Variants in HTR2C observed in about 807,000 individuals in gnomAD.
HTR2C encodes the protein 5-hydroxytryptamine (serotonin) receptor 2C, G protein-coupled.
Under a neutral mutation model 21.0 loss-of-function variants are expected in HTR2C, and 5 were observed. That is an observed-to-expected ratio of 0.24 (90% CI 0.12 to 0.50). HTR2C has a LOEUF of 0.50. HTR2C is among the 20% of genes least tolerant of loss of function. HTR2C has a pLI of 0.98. For missense variants in HTR2C, 271 were observed against 371.2 expected, an observed-to-expected ratio of 0.73 and a Z score of 2.22; for synonymous variants, 150 against 145.3, an observed-to-expected ratio of 1.03 and a Z score of -0.23.
At chrX:114,621,225 C>G (rs1392020371) in intron 2 of HTR2C, among the ~76,000 whole-genome samples, 1 of 111,582 alleles carries the variant, frequency 9.0e-6, no homozygotes, top group African/African-American at 3.3e-5. Flanking sequence ...CCATGGACTA[C>G]ACTTGGAGTC....
At chrX:114,889,323 A>T (rs781898043) in intron 5 of HTR2C, among the ~76,000 whole-genome samples, 1 of 111,854 alleles carries the variant, frequency 8.9e-6, no homozygotes, top group South Asian at 3.7e-4. Flanking sequence ...CTGTTGGGAC[A>T]CATCTTCAAC....
intron 1 of HTR2C, among the ~76,000 whole-genome samples, chrX:114,603,320 A>T (rs151192502): frequency 0.034 from 3,670 of 107,339 alleles, 170 homozygotes; most frequent in African/African-American, 0.12. Flanking sequence ...CTGTAGAGAG[A>T]GATTTGACAT....
chrX:114,644,354 AATAAATAAATATATATATATATAT>A (rs1930257219), intron 2 of HTR2C, among the ~76,000 whole-genome samples: 1 of 18,652 alleles, frequency 5.4e-5, no homozygotes, highest in Admixed American at 8.0e-4. Context: ...AAAATAAATA[AATAAATAAATATATATATATATAT>A]ATATATATAT....
At chrX:114,666,698 T>C (rs1474143210) in intron 2 of HTR2C, among the ~76,000 whole-genome samples, 1 of 111,250 alleles carries the variant, frequency 9.0e-6, no homozygotes, top group East Asian at 2.8e-4. Flanking sequence ...TCTTCCCTAA[T>C]TCATACATAT....
intron 2 of HTR2C, among the ~76,000 whole-genome samples, chrX:114,684,884 T>C (rs1485548503): frequency 9.0e-6 from 1 of 111,717 alleles, no homozygotes; most frequent in African/African-American, 3.2e-5. Flanking sequence ...ATAGCTGTTT[T>C]TATCAAAAAT....
At chrX:114,798,432 G>T (rs1157114453) in intron 4 of HTR2C, among the ~76,000 whole-genome samples, 1 of 111,521 alleles carries the variant, frequency 9.0e-6, no homozygotes, top group African/African-American at 3.3e-5. Context: ...AGTGTTTGGG[G>T]TATTAATGTC....
intron 5 of HTR2C, among the ~76,000 whole-genome samples, chrX:114,897,655 T>C (rs1195870530): frequency 1.8e-5 from 2 of 112,012 alleles, no homozygotes; most frequent in East Asian, 5.6e-4. Context: ...GAAGACAAGG[T>C]ATTTGCTTTT....
At chrX:114,775,886 C>A in intron 4 of HTR2C, 1 of 374,420 alleles carries the variant, frequency 2.7e-6, no homozygotes, top group Non-Finnish European at 4.8e-6. Flanking sequence ...AAATTGGGCA[C>A]AGGCAATGGA....
intron 5 of HTR2C, among the ~76,000 whole-genome samples, chrX:114,860,064 T>G: frequency 9.0e-6 from 1 of 111,665 alleles, no homozygotes; most frequent in East Asian, 2.8e-4. Flanking sequence ...TGTCATTGCC[T>G]TTTGGCCAGC....
intron 2 of HTR2C, among the ~76,000 whole-genome samples, chrX:114,724,401 A>G (rs1252249516): frequency 9.7e-6 from 1 of 102,802 alleles, no homozygotes; most frequent in Admixed American, 1.1e-4. Context: ...TTTTGAGCCT[A>G]TGTGTGTCTC....
intron 5 of HTR2C, among the ~76,000 whole-genome samples, chrX:114,881,259 A>T (rs906594424): frequency 9.0e-6 from 1 of 111,217 alleles, no homozygotes; most frequent in Non-Finnish European, 1.9e-5. Context: ...TCTGGATGAA[A>T]GACACATAAT....
At chrX:114,736,429 A>G (rs182994301) in intron 4 of HTR2C, among the ~76,000 whole-genome samples, 4 of 111,787 alleles carry the variant, frequency 3.6e-5, no homozygotes, top group Admixed American at 9.5e-5. Flanking sequence ...AATTTGAAGT[A>G]AAAAAATGGT....
chrX:114,736,367 A>G (rs7885150), intron 4 of HTR2C, among the ~76,000 whole-genome samples: 4,054 of 111,054 alleles, frequency 0.037, 194 homozygotes, highest in African/African-American at 0.12. Context: ...AAGTATACCA[A>G]GCAAATGGTA....
intron 4 of HTR2C, among the ~76,000 whole-genome samples, chrX:114,765,040 T>C (rs2069933575): frequency 9.4e-6 from 1 of 106,623 alleles, no homozygotes; most frequent in Non-Finnish European, 1.9e-5. Context: ...TCTTTCTTTC[T>C]TTTTTTTTCT....
chrX:114,898,786 G>T (rs1369690605), intron 5 of HTR2C, among the ~76,000 whole-genome samples: 1 of 111,615 alleles, frequency 9.0e-6, no homozygotes, highest in Non-Finnish European at 1.9e-5. Flanking sequence ...ATGCTGTTTT[G>T]GTTACTGTGG....
chrX:114,820,761 T>G (rs1218138056), intron 4 of HTR2C, among the ~76,000 whole-genome samples: 1 of 111,035 alleles, frequency 9.0e-6, no homozygotes, highest in Non-Finnish European at 1.9e-5. Flanking sequence ...GTCATGATTC[T>G]GAGGCCTCCC....
intron 2 of HTR2C, among the ~76,000 whole-genome samples, chrX:114,662,333 T>C (rs1256069052): frequency 9.0e-6 from 1 of 111,131 alleles, no homozygotes; most frequent in Non-Finnish European, 1.9e-5. Context: ...AGTAAACTCC[T>C]CTAAACTTCA....
At chrX:114,812,109 C>T (rs190170519) in intron 4 of HTR2C, among the ~76,000 whole-genome samples, 69 of 109,212 alleles carry the variant, frequency 6.3e-4, no homozygotes, top group African/African-American at 1.9e-3. Context: ...ACCCACCCCC[C>T]ACAACAGGAC....
intron 2 of HTR2C, among the ~76,000 whole-genome samples, chrX:114,701,781 C>G (rs1349237499): frequency 1.8e-5 from 2 of 111,556 alleles, no homozygotes; most frequent in African/African-American, 3.3e-5. Flanking sequence ...GGAGGAAATT[C>G]AAACCAAAGC....
Sources: allele counts gnomAD v4.1 joint callset (sites outside exome capture counted in the v4.1 genomes callset), GRCh38; gene constraint gnomAD v4.1.1; transcripts MANE v1.5; gene names NCBI Gene and HGNC (gene_info 2026-07-23, HGNC 2026-07-21).